Variants in MINDY3 observed in about 807,000 individuals in gnomAD.
MINDY3 encodes ubiquitin carboxyl-terminal hydrolase MINDY-3.
In MINDY3, 38 loss-of-function variants were observed where a neutral mutation model predicts 69.2. The observed-to-expected ratio is 0.55, with a 90% CI of 0.42 to 0.72. MINDY3 has a LOEUF of 0.72. MINDY3 is among the 30% of genes least tolerant of loss of function. The probability of loss-of-function intolerance (pLI) is 0.00; values close to 1 mark genes in which losing one functional copy is unlikely to be tolerated. For missense variants in MINDY3, 522 were observed against 519.0 expected (o/e 1.01, Z -0.06); for synonymous variants, 192 against 180.1 (o/e 1.07, Z -0.53).
chr10:15,845,982 C>T (rs1055408740), intron 2 of MINDY3, among the ~76,000 whole-genome samples: 8 of 151,668 alleles, frequency 5.3e-5, no homozygotes, highest in Non-Finnish European at 1.2e-4. Flanking sequence ...GCCACTACAC[C>T]CAGCTAATTT....
intron 6 of MINDY3, among the ~76,000 whole-genome samples, chr10:15,836,810 A>C (rs116555957): frequency 6.6e-6 from 1 of 151,812 alleles, no homozygotes; most frequent in African/African-American, 2.4e-5. Context: ...ACAAAACAAA[A>C]TAAGAATCGT....
chr10:15,841,863 A>G (rs566733428), intron 3 of MINDY3, among the ~76,000 whole-genome samples: 159 of 151,904 alleles, frequency 1.0e-3, no homozygotes, highest in African/African-American at 3.7e-3. Flanking sequence ...ACATTATGAA[A>G]GATCATAATG....
intron 11 of MINDY3, among the ~76,000 whole-genome samples, chr10:15,790,563 C>A (rs769268709): frequency 5.9e-5 from 9 of 152,030 alleles, no homozygotes; most frequent in South Asian, 2.1e-4. Context: ...AAAGGCTCAG[C>A]GTCTCCGAAT....
intron 11 of MINDY3, among the ~76,000 whole-genome samples, chr10:15,793,243 T>G (rs576257185): frequency 6.6e-6 from 1 of 152,156 alleles, no homozygotes; most frequent in Non-Finnish European, 1.5e-5. Context: ...TGGAACACTT[T>G]GAATAGACCT....
intron 8 of MINDY3, among the ~76,000 whole-genome samples, chr10:15,826,138 G>A (rs1840070610): frequency 6.6e-6 from 1 of 152,168 alleles, no homozygotes; most frequent in Admixed American, 6.5e-5. Flanking sequence ...ATGGATGGCA[G>A]GTAGAGAGGA....
At chr10:15,782,434 T>C (rs1456448057) in intron 13 of MINDY3, 1 of 496,432 alleles carries the variant, frequency 2.0e-6, no homozygotes, top group Non-Finnish European at 3.5e-6. Flanking sequence ...TGCTGGAAAG[T>C]AGGGAAGGTT....
Position 15,839,219 on chromosome 10 carries a change from G to A in MINDY3, c.410-940C>T, listed in dbSNP as rs929306581. On this transcript the variant is annotated intron_variant, in intron 4 of 14. Transcript: ENST00000277632. ...TTTACAATTTAAAATGTCACATTAT[G>A]CTAGCTTTCCAAAGCCTAGTTGTGA... Among the ~76,000 whole-genome samples the A allele has an allele frequency of 7.8e-4, 119 of 151,734 alleles. 1 individual carries two copies. The highest frequency in any genetic ancestry group is 1.5e-5 in the Non-Finnish European group (1 of 67,678).
chr10:15,785,054 C>A (rs1256550240), intron 13 of MINDY3, among the ~76,000 whole-genome samples: 1 of 152,154 alleles, frequency 6.6e-6, no homozygotes, highest in Non-Finnish European at 1.5e-5. Flanking sequence ...CTTAAAGTCT[C>A]TGCTTCAGGG....
At chr10:15,860,125 C>CT in intron 1 of MINDY3, 81 bp downstream of exon 1, 1 of 1,057,306 alleles carries the variant, frequency 9.5e-7, no homozygotes. Flanking sequence ...ACGCGAGGGG[C>CT]TGGAGCGAGA....
chr10:15,832,772 T>C (rs764926218), intron 8 of MINDY3, among the ~76,000 whole-genome samples: 2 of 152,216 alleles, frequency 1.3e-5, no homozygotes, highest in Non-Finnish European at 2.9e-5. Flanking sequence ...CTTAATATTA[T>C]GCCCTTTCAT....
intron 13 of MINDY3, among the ~76,000 whole-genome samples, chr10:15,782,863 G>A (rs546274012): frequency 3.3e-5 from 5 of 152,178 alleles, no homozygotes; most frequent in Non-Finnish European, 7.4e-5. Flanking sequence ...AATGGGTCAT[G>A]TTATTCCCAC....
chr10:15,790,527 G>C (rs1468552270), intron 11 of MINDY3, among the ~76,000 whole-genome samples: 1 of 152,060 alleles, frequency 6.6e-6, no homozygotes, highest in Non-Finnish European at 1.5e-5. Flanking sequence ...TCTGATCACT[G>C]ATTTTGCTTA....
At chr10:15,816,645 T>G (rs151011608) in intron 10 of MINDY3, among the ~76,000 whole-genome samples, 190 bp downstream of exon 10, 542 of 152,296 alleles carry the variant, frequency 3.6e-3, no homozygotes, top group Non-Finnish European at 5.0e-3. Context: ...ATGATAGATT[T>G]TGATTAAAAG....
chr10:15,816,279 A>C (rs921790805), intron 10 of MINDY3, among the ~76,000 whole-genome samples: 3 of 140,268 alleles, frequency 2.1e-5, no homozygotes, highest in Admixed American at 2.0e-4. Flanking sequence ...AAAAAAAAAA[A>C]ATGAAAAAGA....
At chr10:15,790,375 C>A (rs1347325055) in intron 11 of MINDY3, among the ~76,000 whole-genome samples, 1 of 152,018 alleles carries the variant, frequency 6.6e-6, no homozygotes, top group East Asian at 1.9e-4. Flanking sequence ...TAAAAATGTG[C>A]AATTTTTTAA....
At chr10:15,798,425 A>G (rs1837998681) in intron 10 of MINDY3, among the ~76,000 whole-genome samples, 1 of 152,024 alleles carries the variant, frequency 6.6e-6, no homozygotes, top group Non-Finnish European at 1.5e-5. Context: ...AAAAGAATTT[A>G]AAGTAAACTA....
intron 13 of MINDY3, among the ~76,000 whole-genome samples, chr10:15,783,984 T>C (rs763253082): frequency 2.6e-5 from 4 of 152,232 alleles, no homozygotes; most frequent in African/African-American, 7.2e-5. Flanking sequence ...ACAGACTATA[T>C]TGGATTTCTG....
intron 10 of MINDY3, among the ~76,000 whole-genome samples, chr10:15,799,896 TTAGAAA>T (rs1397737508): frequency 6.6e-6 from 1 of 152,116 alleles, no homozygotes; most frequent in African/African-American, 2.4e-5. Context: ...TCGTGAGCTA[TTAGAAA>T]TAGAATATTA....
Position 15,801,003 on chromosome 10 carries a change from G to A in MINDY3, c.883-4831C>T, listed in dbSNP as rs188953833. On this transcript the variant is annotated intron_variant, in intron 10 of 14. Coordinates refer to ENST00000277632, the MANE Select transcript of MINDY3 (RefSeq NM_024948.4). ...GAGAACTTAATGCCAGCAAAGGATG[G>A]TTTGATAATTTTAGAAACTGGTTTG... Among the ~76,000 whole-genome samples, 303 of 152,280 alleles carry A rather than the reference G, an allele frequency of 2.0e-3. 1 individual carries two copies. The highest frequency in any genetic ancestry group is 7.1e-3 in the African/African-American group (295 of 41,558).
Sources: gnomAD v4.1 joint callset for allele counts (sites outside exome capture counted in the v4.1 genomes callset) on GRCh38, gnomAD v4.1.1 for gene constraint, MANE v1.5 for transcripts, NCBI Gene and HGNC (gene_info 2026-07-23, HGNC 2026-07-21) for gene names.